MALRD1: variants seen among roughly 807,000 people sequenced by gnomAD.
MALRD1 encodes the protein MAM and LDL receptor class A domain containing 1.
MALRD1 carries 247 observed loss-of-function variants against 242.1 expected under a neutral mutation model. The ratio of observed to expected loss-of-function variants is 1.02; its 90% CI spans 0.92 to 1.13. The LOEUF (loss-of-function observed/expected upper bound fraction) is 1.13, where lower values mean the gene tolerates loss of function less well. Ranked by LOEUF, MALRD1 falls within the 50% of genes most tolerant of loss-of-function variation. The probability of loss-of-function intolerance (pLI) is 0.00; values close to 1 mark genes in which losing one functional copy is unlikely to be tolerated. For synonymous variants in MALRD1, 995 were observed against 866.6 expected (o/e 1.15, Z -2.60); for missense variants, 2,989 against 2,533.1 (o/e 1.18, Z -3.86).
intron 29 of MALRD1, among the ~76,000 whole-genome samples, chr10:19,467,929 G>T (rs1274425137): frequency 2.0e-5 from 3 of 152,016 alleles, no homozygotes; most frequent in African/African-American, 7.2e-5. Context: ...GAGCAGCTGA[G>T]ATTACAGGCA....
At chr10:19,135,995 A>ATT (rs1833320956) in intron 9 of MALRD1, among the ~76,000 whole-genome samples, 1 of 152,208 alleles carries the variant, frequency 6.6e-6, no homozygotes, top group African/African-American at 2.4e-5. Flanking sequence ...CTCATTAAAG[A>ATT]AATTACTCTT....
chr10:19,325,874 C>A (rs1286895880), intron 22 of MALRD1, among the ~76,000 whole-genome samples: 1 of 152,116 alleles, frequency 6.6e-6, no homozygotes, highest in African/African-American at 2.4e-5. Context: ...CTAGGTCATA[C>A]GTTTTCCGAA....
upstream of MALRD1, among the ~76,000 whole-genome samples, chr10:19,046,978 G>T (rs992135252): frequency 6.6e-6 from 1 of 152,156 alleles, no homozygotes; most frequent in Non-Finnish European, 1.5e-5. Flanking sequence ...ATTGAGCCTT[G>T]CAGGGTAAGC....
intron 29 of MALRD1, among the ~76,000 whole-genome samples, chr10:19,459,811 T>C: frequency 6.6e-6 from 1 of 151,052 alleles, no homozygotes; most frequent in East Asian, 1.9e-4. Context: ...ATTAATATAA[T>C]TATATTTAAT....
intron 1 of MALRD1, among the ~76,000 whole-genome samples, chr10:19,049,671 A>AGAC (rs1432054281): frequency 1.3e-5 from 2 of 152,200 alleles, no homozygotes; most frequent in Non-Finnish European, 2.9e-5. Context: ...AGAGAATGCA[A>AGAC]GACCTAGATT....
At chr10:19,461,037 G>C (rs1358763162) in intron 29 of MALRD1, among the ~76,000 whole-genome samples, 1 of 152,114 alleles carries the variant, frequency 6.6e-6, no homozygotes, top group Non-Finnish European at 1.5e-5. Flanking sequence ...CCACTGATCC[G>C]TTGCATACAT....
chr10:19,226,602 A>G (rs1837812168), intron 18 of MALRD1, among the ~76,000 whole-genome samples: 1 of 152,098 alleles, frequency 6.6e-6, no homozygotes, highest in Non-Finnish European at 1.5e-5. Flanking sequence ...TGGATAAATT[A>G]CAAAACTGAT....
At chr10:19,530,292 T>G (rs868224802) in intron 31 of MALRD1, among the ~76,000 whole-genome samples, 1 of 128,744 alleles carries the variant, frequency 7.8e-6, no homozygotes, top group Non-Finnish European at 1.7e-5. Context: ...TCATCTATAT[T>G]TTGAAGGACA....
chr10:19,419,417 C>A (rs1833635517), intron 28 of MALRD1, among the ~76,000 whole-genome samples: 1 of 152,164 alleles, frequency 6.6e-6, no homozygotes, highest in Non-Finnish European at 1.5e-5. Flanking sequence ...GTATCAGCCC[C>A]CTGAGTAGCC....
chr10:19,088,323 A>G (rs1184069559), intron 4 of MALRD1, 138 bp downstream of exon 4: 1 of 763,310 alleles, frequency 1.3e-6, no homozygotes, highest in Non-Finnish European at 1.8e-6. Flanking sequence ...CAAATGCTGA[A>G]AGTGGACATC....
At chr10:19,723,079 C>T (rs549982945) in intron 38 of MALRD1, among the ~76,000 whole-genome samples, 5 of 152,114 alleles carry the variant, frequency 3.3e-5, no homozygotes, top group Non-Finnish European at 5.9e-5. Flanking sequence ...TGGAGAGCAT[C>T]AATTCCTTTC....
In MALRD1 at chr10:19,173,160, T is replaced by G. The variant is rs150654727; in HGVS notation, c.1831-2048T>G. On this transcript the variant is annotated intron_variant, in intron 13 of 39. Coordinates refer to ENST00000454679, the MANE Select transcript of MALRD1 (RefSeq NM_001142308.3). ...CAGTCCATTTTCTATTTACTTAATA[T>G]GTATAAATGTACCACATATACTTGG... Among the ~76,000 whole-genome samples, 693 of 152,212 alleles carry G rather than the reference T, an allele frequency of 4.6e-3. 8 individuals carry two copies. Among genetic ancestry groups the G allele is most frequent in the African/African-American group, 0.016 (655 of 41,560 alleles).
At chr10:19,413,172 C>G (rs1247501815) in intron 28 of MALRD1, among the ~76,000 whole-genome samples, 1 of 152,096 alleles carries the variant, frequency 6.6e-6, no homozygotes, top group Non-Finnish European at 1.5e-5. Flanking sequence ...AAATGAAAAA[C>G]TGAGACTCAA....
At chr10:19,324,220 T>C in intron 22 of MALRD1, 115 bp downstream of exon 22, 1 of 1,016,394 alleles carries the variant, frequency 9.8e-7, no homozygotes, top group East Asian at 2.7e-5. Flanking sequence ...TTACCAACAC[T>C]TCACTAGATT....
At chr10:19,611,227 A>G (rs1354194860) in intron 35 of MALRD1, among the ~76,000 whole-genome samples, 2 of 151,984 alleles carry the variant, frequency 1.3e-5, no homozygotes, top group Admixed American at 6.6e-5. Flanking sequence ...TCAAAGTCCC[A>G]TAAGTCTTAA....
At chr10:19,085,005 G>A (rs1402181347) in intron 2 of MALRD1, among the ~76,000 whole-genome samples, 1 of 151,940 alleles carries the variant, frequency 6.6e-6, no homozygotes, top group Non-Finnish European at 1.5e-5. Flanking sequence ...TGAGGATGGT[G>A]TAGAGATTAA....
chr10:19,239,635 T>C (rs1289875233), intron 18 of MALRD1, among the ~76,000 whole-genome samples: 1 of 152,198 alleles, frequency 6.6e-6, no homozygotes, highest in African/African-American at 2.4e-5. Context: ...GTTTTCAATC[T>C]TACCTTTAGG....
At chr10:19,694,782 T>G (rs572464783) in intron 38 of MALRD1, among the ~76,000 whole-genome samples, 1 of 152,188 alleles carries the variant, frequency 6.6e-6, no homozygotes, top group Non-Finnish European at 1.5e-5. Context: ...TGTACGTTTA[T>G]TGCGGCACTA....
chr10:19,506,339 A>G (rs763640879), intron 31 of MALRD1, among the ~76,000 whole-genome samples: 1 of 152,184 alleles, frequency 6.6e-6, no homozygotes, highest in Non-Finnish European at 1.5e-5. Flanking sequence ...AAGAAACAGA[A>G]CTCAGCATAA....
Sources: allele counts gnomAD v4.1 joint callset (sites outside exome capture counted in the v4.1 genomes callset), GRCh38; gene constraint gnomAD v4.1.1; transcripts MANE v1.5; gene names NCBI Gene and HGNC (gene_info 2026-07-23, HGNC 2026-07-21).